FAT1: variants seen among roughly 807,000 people sequenced by gnomAD.
FAT1 encodes protocadherin Fat 1.
Under a neutral mutation model 329.8 loss-of-function variants are expected in FAT1, and 171 were observed. The observed-to-expected ratio is 0.52, with a 90% CI of 0.46 to 0.59. The LOEUF is 0.59. Among genes scored for constraint, FAT1 ranks in the 20% least tolerant of loss-of-function variants. FAT1 has a pLI of 0.00. For missense variants in FAT1, 5,672 were observed against 5,774.4 expected (o/e 0.98, Z 0.57); for synonymous variants, 2,233 against 2,228.6 (o/e 1.00, Z -0.06).
intron 2 of FAT1, among the ~76,000 whole-genome samples, chr4:186,666,188 A>G (rs917495467): frequency 5.4e-5 from 1 of 18,374 alleles, no homozygotes; most frequent in Non-Finnish European, 8.6e-5. Context: ...AGGATAGTAA[A>G]AAAAAAAAAA....
At chr4:186,646,006 T>A (rs10010039) in intron 3 of FAT1, among the ~76,000 whole-genome samples, 1 of 96,896 alleles carries the variant, frequency 1.0e-5, no homozygotes, top group Non-Finnish European at 2.1e-5. Flanking sequence ...CACACACACA[T>A]GAAAGATGGC....
intron 3 of FAT1, among the ~76,000 whole-genome samples, chr4:186,646,762 G>A (rs572134198): frequency 2.0e-5 from 3 of 150,490 alleles, no homozygotes; most frequent in Admixed American, 2.0e-4. Context: ...CCTAGATTTT[G>A]ACTGTGCTGA....
rs747050641 is a variant in FAT1, at chr4:186,708,819, G to A, written c.1009C>T (p.Gln337Ter). 2.5e-6 allele frequency: 4 copies of A among 1,613,956 alleles called. No individual in the cohort carries two copies. The highest frequency in any genetic ancestry group is 1.1e-5 in the South Asian group (1 of 91,070). Residue 337 changes from glutamine (Q) to a stop codon, truncating the protein, a stop_gained, in exon 2 of 27, where the codon CAG (glutamine) becomes TAG (stop). Transcript: ENST00000441802. LOFTEE classifies it high-confidence loss of function. The stretch of plus-strand genomic sequence containing the variant: ...GGCGGAGTTCCTTTATCTTTAGCCT[G>A]TAGTGTGAGATTGTAGCCGAAAGGA... ...SHPFGYNLTL[Q>*]AKDKGTPPQF...
chr4:186,628,364 C>T lies in FAT1; in HGVS notation c.4600G>A (p.Val1534Ile), dbSNP rs765503011. The T allele has an allele frequency of 5.0e-6, 8 of 1,611,900 alleles. No individual in the cohort carries two copies. The highest frequency in any genetic ancestry group is 1.1e-5 in the South Asian group (1 of 90,798). ...TTTACAGGCACATCTTGATCTCGTA[C>T]CTAAAAAGAATTGACACATTATCAA... ...AVHQHTLTVM[V>I]RDQDVPVKRN... The change falls in exon 9 of 27, where the codon GTA becomes ATA. Residue 1534 changes from valine (V) to isoleucine (I), a missense_variant and splice_region_variant. Transcript: ENST00000441802.
Position 186,620,193 on chromosome 4 carries a change from G to A in FAT1, c.6393C>T (p.Pro2131=), listed in dbSNP as rs1480751037. The A allele has an allele frequency of 6.2e-7, 1 of 1,613,866 alleles. No individual in the cohort carries two copies. Among genetic ancestry groups the A allele is most frequent in the African/African-American group, 1.3e-5 (1 of 74,916 alleles). The change falls in exon 10 of 27, where the codon CCC becomes CCT. Residue 2131 remains proline, a synonymous_variant. Coordinates refer to ENST00000441802, the MANE Select transcript of FAT1 (RefSeq NM_005245.4). ...KEHHEHFQIG[P]LGEISLKKQF... The stretch of plus-strand genomic sequence containing the variant: ...GCTTTTTCAGTGAAATTTCACCCAA[G>A]GGTCCAATTTGAAAGTGTTCATGAT...
chr4:186,723,122 A>G (rs1745534760), intron 1 of FAT1, among the ~76,000 whole-genome samples: 2 of 152,238 alleles, frequency 1.3e-5, no homozygotes, highest in South Asian at 4.1e-4. Context: ...TCCAGAGAAG[A>G]CAGAAAACAC....
chr4:186,667,400 T>C (rs78095251), intron 2 of FAT1, among the ~76,000 whole-genome samples: 6 of 152,338 alleles, frequency 3.9e-5, no homozygotes, highest in Admixed American at 6.5e-5. Flanking sequence ...ATATCGGAGA[T>C]TGTGTAATTC....
In FAT1 at chr4:186,629,372, G is replaced by A. The variant is rs570994068; in HGVS notation, c.4324-609C>T. On this transcript the variant is annotated intron_variant, in intron 7 of 26. Transcript: ENST00000441802. ...CTAAAACCAATTTAGTCAATAGATTGAAAAAATAAACTCTCTTAACTATGT... is the reference window on the plus strand; with the variant it reads ...CTAAAACCAATTTAGTCAATAGATTAAAAAAATAAACTCTCTTAACTATGT... Among the ~76,000 whole-genome samples, 15 of 152,192 alleles carry A rather than the reference G, an allele frequency of 9.9e-5. No individual in the cohort carries two copies. In the East Asian group the frequency reaches 2.7e-3, roughly 27 times the overall value.
chr4:186,633,764 T>C lies in FAT1; in HGVS notation c.4243A>G (p.Lys1415Glu). 1 of 1,614,016 alleles carries C rather than the reference T, an allele frequency of 6.2e-7. No individual in the cohort carries two copies. The highest frequency in any genetic ancestry group is 8.5e-7 in the Non-Finnish European group (1 of 1,179,886). ...DKGTGTIIVA[K>E]PLDAEQKSNY... ...GACTTCTGTTCTGCATCAAGAGGTT[T>C]GGCAACAATGATGGTTCCAGTTCCC... Residue 1415 changes from lysine to glutamate, a missense_variant, in exon 7 of 27, where the codon AAA becomes GAA. Physicochemically the swap from Lys to Glu is moderately conservative, Grantham distance 56. This residue lies in a region of FAT1 where 3,966 missense variants were observed against 3,915.2 expected (regional missense o/e 1.01). Coordinates refer to ENST00000441802, the MANE Select transcript of FAT1 (RefSeq NM_005245.4).
At chr4:186,679,813 G>A (rs545632001) in intron 2 of FAT1, among the ~76,000 whole-genome samples, 20 of 152,282 alleles carry the variant, frequency 1.3e-4, no homozygotes, top group African/African-American at 4.6e-4. Flanking sequence ...TGAAAGAGGT[G>A]GTGAAGCAAT....
intron 3 of FAT1, among the ~76,000 whole-genome samples, chr4:186,654,350 T>C (rs904203205): frequency 1.3e-5 from 2 of 152,030 alleles, no homozygotes; most frequent in Admixed American, 1.3e-4. Flanking sequence ...TCCAGCCCTA[T>C]CCAAAAGTGA....
At chr4:186,623,316 G>C (rs1740140317) in intron 9 of FAT1, among the ~76,000 whole-genome samples, 1 of 152,138 alleles carries the variant, frequency 6.6e-6, no homozygotes, top group African/African-American at 2.4e-5. Context: ...CTTCCTGATT[G>C]CATTTTTGGC....
At chr4:186,681,718 C>T (rs564388206) in intron 2 of FAT1, among the ~76,000 whole-genome samples, 2 of 152,286 alleles carry the variant, frequency 1.3e-5, no homozygotes, top group African/African-American at 2.4e-5. Flanking sequence ...GCATCAATAC[C>T]GCTGAAGTGG....
Position 186,597,704 on chromosome 4 carries a change from C to G in FAT1, c.12346G>C (p.Asp4116His), listed in dbSNP as rs1477789019. 1 of 1,613,776 alleles carries G rather than the reference C, an allele frequency of 6.2e-7. No homozygotes were observed. Among genetic ancestry groups the G allele is most frequent in the Non-Finnish European group, 8.5e-7 (1 of 1,179,838 alleles). Residue 4116 changes from aspartate (D) to histidine (H), a missense_variant, in exon 24 of 27, where the codon GAT becomes CAT. Asp to His is a moderately conservative substitution (Grantham distance 81). Coordinates refer to ENST00000441802, the MANE Select transcript of FAT1 (RefSeq NM_005245.4). ...DSLDGAVCQC[D>H]SGFRGERCQS... ...TACCTTTCTCCCCTAAAACCCGAATCACACTGACAAACGGCGCCATCCAAA... is the reference window on the plus strand; with the variant it reads ...TACCTTTCTCCCCTAAAACCCGAATGACACTGACAAACGGCGCCATCCAAA...
At chr4:186,713,441 G>A (rs1007168759) in intron 1 of FAT1, among the ~76,000 whole-genome samples, 2 of 150,948 alleles carry the variant, frequency 1.3e-5, no homozygotes, top group African/African-American at 4.9e-5. Context: ...AAATCAACAC[G>A]ATTTATCGAT....
In FAT1 at chr4:186,617,057, A is replaced by G. The variant is rs964551404; in HGVS notation, c.9023T>C (p.Ile3008Thr). The G allele has an allele frequency of 6.2e-7, 1 of 1,613,924 alleles. No homozygotes were observed. Among genetic ancestry groups the G allele is most frequent in the South Asian group, 1.1e-5 (1 of 91,040 alleles). ...TGCATCCAGAACTTTCACTTCAACT[A>G]TCGCTTTTGATGAGAAGGTGCCATC... ...ATDGTFSSKA[I>T]VEVKVLDAND... is the part of the protein sequence containing the mutation. The change falls in exon 11 of 27, where the codon ATA becomes ACA. Residue 3008 changes from isoleucine (I) to threonine (T), a missense_variant. Around this residue, in one of 2 missense-constraint regions of FAT1, gnomAD observed 3,966 missense variants for 3,915.2 expected, o/e 1.01. Coordinates refer to ENST00000441802, the MANE Select transcript of FAT1 (RefSeq NM_005245.4).
Position 186,628,328 on chromosome 4 carries a change from C to A in FAT1, c.4636G>T (p.Ala1546Ser), listed in dbSNP as rs2126543079. The change falls in exon 9 of 27, where the codon GCA (alanine) becomes TCA (serine). Residue 1546 changes from alanine (A) to serine (S), a missense_variant. Coordinates refer to ENST00000441802, the MANE Select transcript of FAT1 (RefSeq NM_005245.4). ...TCGCTGACATTGACCACAATCCTTG[C>A]AAAGTTGCGTTTTACAGGCACATCT... ...DQDVPVKRNF[A>S]RIVVNVSDTN... 6.2e-7 allele frequency: 1 copy of A among 1,613,274 alleles called. No individual in the cohort carries two copies. Among genetic ancestry groups the A allele is most frequent in the Non-Finnish European group, 8.5e-7 (1 of 1,179,538 alleles).
At chr4:186,627,171 A>C (rs1193286341) in intron 9 of FAT1, among the ~76,000 whole-genome samples, 174 of 91,550 alleles carry the variant, frequency 1.9e-3, no homozygotes, top group Non-Finnish European at 3.0e-3. Context: ...AGAATGAATG[A>C]ATGAATGAAT....
intron 20 of FAT1, among the ~76,000 whole-genome samples, chr4:186,602,309 G>T (rs1171556492): frequency 6.6e-6 from 1 of 152,134 alleles, no homozygotes; most frequent in Non-Finnish European, 1.5e-5. Flanking sequence ...AATTTAAAAT[G>T]TCATTGATGT....
Sources: allele counts gnomAD v4.1 joint callset (sites outside exome capture counted in the v4.1 genomes callset), GRCh38; gene constraint gnomAD v4.1.1; regional missense constraint gnomAD v4.1.1; transcripts MANE v1.5; gene names NCBI Gene and HGNC (gene_info 2026-07-23, HGNC 2026-07-21).